The following NXPE4 variants were observed in gnomAD, a reference collection of about 807,000 sequenced individuals.
NXPE4 encodes neurexophilin and PC-esterase domain family member 4, also known as NXPE family member 4.
In NXPE4, 42 loss-of-function variants were observed where a neutral mutation model predicts 33.3. That is an observed-to-expected ratio of 1.26 (90% CI 0.98 to 1.63). The LOEUF is 1.63. Among genes scored for constraint, NXPE4 ranks in the 40% most tolerant of loss-of-function variants. NXPE4 has a pLI of 0.00. For synonymous variants in NXPE4, 253 were observed against 234.9 expected, an observed-to-expected ratio of 1.08 and a Z score of -0.71; for missense variants, 709 against 647.6, an observed-to-expected ratio of 1.09 and a Z score of -1.03.
chr11:114,606,632 C>T, the NXPE4 span, among the ~76,000 whole-genome samples: 3 of 151,938 alleles, frequency 2.0e-5, no homozygotes, highest in Non-Finnish European at 4.4e-5. Context: ...TAAGTGTTGC[C>T]TCGTGGGAAA....
At chr11:114,627,359 A>G in the NXPE4 span, among the ~76,000 whole-genome samples, 1 of 152,186 alleles carries the variant, frequency 6.6e-6, no homozygotes, top group East Asian at 1.9e-4. Context: ...AGTGGGGACC[A>G]ATATTCAACA....
the NXPE4 span, among the ~76,000 whole-genome samples, chr11:114,626,996 C>T: frequency 6.6e-6 from 1 of 152,012 alleles, no homozygotes; most frequent in Non-Finnish European, 1.5e-5. Flanking sequence ...ATGAACAAAG[C>T]CTCCGAGAAA....
chr11:114,655,376 G>A, the NXPE4 span, among the ~76,000 whole-genome samples: 3 of 152,146 alleles, frequency 2.0e-5, no homozygotes, highest in Non-Finnish European at 4.4e-5. Flanking sequence ...TGCTTTTGGT[G>A]TTTTAGTCAT....
the NXPE4 span, among the ~76,000 whole-genome samples, chr11:114,633,780 G>T: frequency 6.6e-6 from 1 of 151,852 alleles, no homozygotes; most frequent in Non-Finnish European, 1.5e-5. Context: ...CATGTCCCTA[G>T]AAAGGATGTG....
the NXPE4 span, among the ~76,000 whole-genome samples, chr11:114,663,897 A>G: frequency 1.3e-5 from 2 of 152,154 alleles, no homozygotes; most frequent in Admixed American, 6.6e-5. Context: ...AATCACAGTG[A>G]GACACTACTA....
At chr11:114,623,715 T>C in the NXPE4 span, among the ~76,000 whole-genome samples, 1 of 152,134 alleles carries the variant, frequency 6.6e-6, no homozygotes, top group Non-Finnish European at 1.5e-5. Context: ...ACCCGATGGA[T>C]AATAAGTATT....
At chr11:114,648,928 G>C in the NXPE4 span, among the ~76,000 whole-genome samples, 1 of 129,104 alleles carries the variant, frequency 7.7e-6, no homozygotes, top group African/African-American at 2.7e-5. Flanking sequence ...TATGTTATAT[G>C]ATAAGGGGAT....
At chr11:114,651,548 G>A in the NXPE4 span, among the ~76,000 whole-genome samples, 2 of 152,220 alleles carry the variant, frequency 1.3e-5, no homozygotes, top group Non-Finnish European at 2.9e-5. Context: ...GATTGCCACT[G>A]CTGGCTTTGC....
the NXPE4 span, among the ~76,000 whole-genome samples, chr11:114,677,038 T>G: frequency 6.6e-6 from 1 of 152,010 alleles, no homozygotes; most frequent in African/African-American, 2.4e-5. Flanking sequence ...AACTATTGCA[T>G]TATCTCATTT....
the NXPE4 span, among the ~76,000 whole-genome samples, chr11:114,628,347 G>C: frequency 6.6e-6 from 1 of 152,182 alleles, no homozygotes; most frequent in South Asian, 2.1e-4. Flanking sequence ...AATCAAACTA[G>C]AACTCAGGAT....
At position 114,571,483 on chromosome 11, in the gene NXPE4, A is replaced by C. The variant is rs747101976; in HGVS notation, c.1100-10T>G. 3 of 1,578,442 alleles carry C rather than the reference A, an allele frequency of 1.9e-6. No individual in the cohort carries two copies. Among genetic ancestry groups the C allele is most frequent in the Non-Finnish European group, 2.6e-6 (3 of 1,160,042 alleles). ...TCCACTGACTTCAGTGCTGATAACA[A>C]ATAGGCAATCCCAAAATAAAAGGAG... On this transcript the variant is annotated splice_polypyrimidine_tract_variant and intron_variant, in intron 5 of 5. Transcript: ENST00000375478.
At chr11:114,639,489 T>C in the NXPE4 span, among the ~76,000 whole-genome samples, 9 of 151,588 alleles carry the variant, frequency 5.9e-5, no homozygotes, top group African/African-American at 1.9e-4. Flanking sequence ...CTGTGCCCAC[T>C]GTCTGGCACT....
chr11:114,575,518 CA>C (rs1463533718), intron 5 of NXPE4, among the ~76,000 whole-genome samples: 1 of 151,946 alleles, frequency 6.6e-6, no homozygotes, highest in African/African-American at 2.4e-5. Flanking sequence ...TTAATATACA[CA>C]AATCAGTAGC....
the NXPE4 span, among the ~76,000 whole-genome samples, chr11:114,602,233 ATTATAC>A: frequency 8.7e-6 from 1 of 114,712 alleles, no homozygotes; most frequent in Non-Finnish European, 1.6e-5. Flanking sequence ...TAGATTATAT[ATTATAC>A]TATATACAAT....
chr11:114,594,725 A>C lies in NXPE4; in HGVS notation c.35T>G (p.Leu12Trp). The C allele has an allele frequency of 6.3e-7, 1 of 1,595,710 alleles. No homozygotes were observed. Among genetic ancestry groups the C allele is most frequent in the Non-Finnish European group, 8.6e-7 (1 of 1,165,952 alleles). Residue 12 changes from leucine to tryptophan, a missense_variant, in exon 2 of 6, where the codon TTG becomes TGG. Transcript: ENST00000375478. ...KISMINYKSLLALLFILASWI... is the reference protein window; with the variant it reads ...KISMINYKSLWALLFILASWI... ...GGAGGCTAATATAAACAACAGTGCC[A>C]ATAGTGACTTATAATTTATCATACT... is the stretch of plus-strand genomic sequence containing the variant.
At chr11:114,672,300 T>A in the NXPE4 span, among the ~76,000 whole-genome samples, 1 of 152,078 alleles carries the variant, frequency 6.6e-6, no homozygotes, top group East Asian at 1.9e-4. Context: ...ACTGTGCAAG[T>A]TAATTGCTAG....
At chr11:114,583,445 A>C (rs1469242503) in intron 2 of NXPE4, 5 of 667,620 alleles carry the variant, frequency 7.5e-6, no homozygotes, top group Non-Finnish European at 1.4e-5. Flanking sequence ...TGAGGAGATG[A>C]CCAAGTACCA....
the NXPE4 span, among the ~76,000 whole-genome samples, chr11:114,621,072 C>T: frequency 2.1e-3 from 318 of 152,092 alleles, 3 homozygotes; most frequent in African/African-American, 7.3e-3. Flanking sequence ...ACCACTATTA[C>T]CCCGTGGATA....
intron 2 of NXPE4, among the ~76,000 whole-genome samples, chr11:114,592,383 A>G (rs962198803): frequency 2.0e-5 from 3 of 152,106 alleles, no homozygotes; most frequent in Admixed American, 6.6e-5. Flanking sequence ...ACCAATACCA[A>G]ACAACCTGAA....
Sources: gnomAD v4.1 joint callset for allele counts (sites outside exome capture counted in the v4.1 genomes callset) on GRCh38, gnomAD v4.1.1 for gene constraint, MANE v1.5 for transcripts, NCBI Gene and HGNC (gene_info 2026-07-23, HGNC 2026-07-21) for gene names.